Variants in PAPPA2 observed in about 807,000 individuals in gnomAD.
PAPPA2 encodes pappalysin-2.
A neutral mutation model predicts 176.4 loss-of-function variants in PAPPA2; 86 were observed. The ratio of observed to expected loss-of-function variants is 0.49; its 90% CI spans 0.41 to 0.58. PAPPA2 has a LOEUF of 0.58. PAPPA2 is among the 20% of genes least tolerant of loss of function. The pLI is 0.00. For missense variants in PAPPA2, 2,073 were observed against 2,256.9 expected (o/e 0.92, Z 1.65); for synonymous variants, 809 against 852.2 (o/e 0.95, Z 0.88).
chr1:176,660,621 C>T (rs1223513470), intron 3 of PAPPA2, among the ~76,000 whole-genome samples: 1 of 152,026 alleles, frequency 6.6e-6, no homozygotes, highest in Non-Finnish European at 1.5e-5. Flanking sequence ...TGTAATTATA[C>T]ACATTTTCCA....
chr1:176,473,782 T>C (rs1168180571), intron 1 of PAPPA2, among the ~76,000 whole-genome samples: 1 of 152,246 alleles, frequency 6.6e-6, no homozygotes, highest in Non-Finnish European at 1.5e-5. Context: ...CTGAATGATA[T>C]ATGATGTTGA....
chr1:176,582,756 G>A (rs954091512), intron 2 of PAPPA2, among the ~76,000 whole-genome samples: 1 of 151,974 alleles, frequency 6.6e-6, no homozygotes, highest in African/African-American at 2.4e-5. Context: ...TGGTATTAGG[G>A]TTATGCTGGC....
At chr1:176,492,831 G>T (rs1418293147) in intron 1 of PAPPA2, among the ~76,000 whole-genome samples, 2 of 152,156 alleles carry the variant, frequency 1.3e-5, no homozygotes, top group African/African-American at 4.8e-5. Context: ...TGGCTTGGTG[G>T]ATAGAGTGAG....
intron 12 of PAPPA2, among the ~76,000 whole-genome samples, chr1:176,724,570 A>G (rs1661775343): frequency 1.3e-5 from 2 of 152,206 alleles, no homozygotes; most frequent in African/African-American, 2.4e-5. Context: ...CAACCACCAC[A>G]TGCTCACAGT....
chr1:176,563,326 C>T (rs938674832), intron 2 of PAPPA2, among the ~76,000 whole-genome samples: 1 of 152,116 alleles, frequency 6.6e-6, no homozygotes. Context: ...TCCCTTTCCA[C>T]CTTCAATAGG....
chr1:176,724,981 C>T (rs147382201), intron 12 of PAPPA2, among the ~76,000 whole-genome samples: 157 of 152,066 alleles, frequency 1.0e-3, no homozygotes, highest in African/African-American at 3.5e-3. Context: ...ACTCATGGTC[C>T]TTTCTCTCTA....
chr1:176,801,419 G>A (rs1665680161), intron 21 of PAPPA2, among the ~76,000 whole-genome samples: 1 of 152,256 alleles, frequency 6.6e-6, no homozygotes. Context: ...ACTGGAGAGG[G>A]GGAAAGGGTG....
chr1:176,637,113 T>C (rs1427085637), intron 3 of PAPPA2, among the ~76,000 whole-genome samples: 1 of 151,996 alleles, frequency 6.6e-6, no homozygotes, highest in Non-Finnish European at 1.5e-5. Flanking sequence ...GGGGATAGCG[T>C]GCATGAAAGT....
chr1:176,510,113 C>T (rs1648501480), intron 1 of PAPPA2, among the ~76,000 whole-genome samples: 1 of 151,982 alleles, frequency 6.6e-6, no homozygotes, highest in Non-Finnish European at 1.5e-5. Context: ...TTGATGAAAA[C>T]TATAAGCTCA....
chr1:176,508,242 C>T lies in PAPPA2; in HGVS notation c.-917+44824C>T, dbSNP rs12057851. Among the ~76,000 whole-genome samples the T allele has an allele frequency of 3.4e-3, 519 of 152,224 alleles. 1 individual carries two copies. The highest frequency in any genetic ancestry group is 0.012 in the African/African-American group (483 of 41,536). ...CCAAATGTGGCATTCCGTAAAATTACTAATCATGTGAAAACAGGAAAATAT... is the reference window on the plus strand; with the variant it reads ...CCAAATGTGGCATTCCGTAAAATTATTAATCATGTGAAAACAGGAAAATAT... On this transcript the variant is annotated intron_variant, in intron 1 of 22. Coordinates refer to ENST00000367662, the MANE Select transcript of PAPPA2 (RefSeq NM_020318.3).
intron 3 of PAPPA2, among the ~76,000 whole-genome samples, chr1:176,612,870 C>T (rs7516346): frequency 0.16 from 24,323 of 151,932 alleles, 2,043 homozygotes; most frequent in Middle Eastern, 0.22. Context: ...AAGAGAGTAG[C>T]GCTTTTCTGG....
intron 12 of PAPPA2, among the ~76,000 whole-genome samples, chr1:176,714,556 GTC>G (rs1241333193): frequency 6.6e-6 from 1 of 152,058 alleles, no homozygotes; most frequent in Non-Finnish European, 1.5e-5. Flanking sequence ...TTTTTAATGA[GTC>G]ACAGGCACCA....
At position 176,495,212 on chromosome 1, in the gene PAPPA2, C is replaced by A. The variant is rs542676777; in HGVS notation, c.-917+31794C>A. Reference sequence around the variant, plus strand: ...TATATATTACTTAATCCTTATCACACCCTATCAGGTAGGTTTACTCTTTTA... The same window carrying A: ...TATATATTACTTAATCCTTATCACAACCTATCAGGTAGGTTTACTCTTTTA... On this transcript the variant is annotated intron_variant, in intron 1 of 22. Coordinates refer to ENST00000367662, the MANE Select transcript of PAPPA2 (RefSeq NM_020318.3). 7.0e-4 allele frequency among the ~76,000 whole-genome samples: 107 copies of A among 152,208 alleles called. No individual in the cohort carries two copies. The Middle Eastern group carries it at 0.01, about 15-fold the overall frequency.
At chr1:176,830,746 G>A (rs1181842550) in intron 21 of PAPPA2, among the ~76,000 whole-genome samples, 2 of 152,210 alleles carry the variant, frequency 1.3e-5, no homozygotes, top group Non-Finnish European at 2.9e-5. Flanking sequence ...GCCCTGCAAT[G>A]GGGACAGTGA....
chr1:176,680,023 ACT>A (rs1476489883), intron 4 of PAPPA2, among the ~76,000 whole-genome samples: 2 of 152,164 alleles, frequency 1.3e-5, no homozygotes, highest in African/African-American at 2.4e-5. Context: ...CAAGCATATG[ACT>A]CTGAGAAAAG....
chr1:176,717,828 C>A (rs539613006), intron 12 of PAPPA2, among the ~76,000 whole-genome samples: 77 of 152,212 alleles, frequency 5.1e-4, no homozygotes, highest in Non-Finnish European at 8.8e-4. Context: ...GGAAAACCAA[C>A]AGCCAATCAC....
chr1:176,786,199 C>T (rs1664928360), intron 17 of PAPPA2, among the ~76,000 whole-genome samples: 1 of 152,152 alleles, frequency 6.6e-6, no homozygotes. Flanking sequence ...GCTGCAAACC[C>T]TTAATTGAAA....
chr1:176,606,367 A>G (rs1654611782), intron 3 of PAPPA2, among the ~76,000 whole-genome samples: 1 of 152,184 alleles, frequency 6.6e-6, no homozygotes, highest in Admixed American at 6.5e-5. Context: ...GTTGATTTTA[A>G]TTATGTAATG....
chr1:176,636,612 T>A (rs1403982827), intron 3 of PAPPA2, among the ~76,000 whole-genome samples: 1 of 152,138 alleles, frequency 6.6e-6, no homozygotes, highest in East Asian at 1.9e-4. Flanking sequence ...TTTTGTAGAT[T>A]GCTCCCTCAC....
Sources: allele counts gnomAD v4.1 joint callset (sites outside exome capture counted in the v4.1 genomes callset), GRCh38; gene constraint gnomAD v4.1.1; transcripts MANE v1.5; gene names NCBI Gene and HGNC (gene_info 2026-07-23, HGNC 2026-07-21).